AKAP6: variants seen among roughly 807,000 people sequenced by gnomAD.
The protein encoded by AKAP6 is A-kinase anchor protein 6.
Under a neutral mutation model 188.5 loss-of-function variants are expected in AKAP6, and 58 were observed. The observed-to-expected ratio is 0.31, with a 90% CI of 0.25 to 0.38. The LOEUF (loss-of-function observed/expected upper bound fraction) is 0.38, where lower values mean the gene tolerates loss of function less well. AKAP6 is among the 10% of genes least tolerant of loss of function. The pLI, the probability that AKAP6 is intolerant of heterozygous loss-of-function variation, is 1.00. For missense variants in AKAP6, 2,710 were observed against 2,740.0 expected (o/e 0.99, Z 0.24); for synonymous variants, 989 against 998.6 (o/e 0.99, Z 0.18).
Position 32,586,496 on chromosome 14 carries a change from G to A in AKAP6, c.2469+9254G>A, listed in dbSNP as rs145421983. On this transcript the variant is annotated intron_variant, in intron 5 of 13. Coordinates refer to ENST00000280979, the MANE Select transcript of AKAP6 (RefSeq NM_004274.5). ...ACAAAAATTAGCTGGGTGTGGTGGC[G>A]CGTGTCTGTAGTCCCAGCTGCTCAG... is the stretch of plus-strand genomic sequence containing the variant. 1.3e-3 allele frequency among the ~76,000 whole-genome samples: 192 copies of A among 152,188 alleles called. 1 individual carries two copies. The highest frequency in any genetic ancestry group is 4.5e-3 in the African/African-American group (185 of 41,528).
chr14:32,443,958 A>G (rs1890675956), intron 2 of AKAP6, among the ~76,000 whole-genome samples: 3 of 152,184 alleles, frequency 2.0e-5, no homozygotes, highest in Non-Finnish European at 4.4e-5. Context: ...TGTTTTGGAT[A>G]TGAAAGACAG....
At chr14:32,603,048 C>T (rs1397424633) in intron 7 of AKAP6, among the ~76,000 whole-genome samples, 2 of 152,130 alleles carry the variant, frequency 1.3e-5, no homozygotes, top group Admixed American at 6.6e-5. Flanking sequence ...AAGGGAGTCA[C>T]AAGAGGTTGG....
chr14:32,545,434 A>T lies in AKAP6; in HGVS notation c.781A>T (p.Met261Leu), dbSNP rs1301057233. The change falls in exon 4 of 14, where the codon ATG becomes TTG. Residue 261 changes from methionine to leucine, a missense_variant. Around this residue, in one of 2 missense-constraint regions of AKAP6, gnomAD observed 2,473 missense variants for 2,426.1 expected, o/e 1.02. Coordinates refer to ENST00000280979, the MANE Select transcript of AKAP6 (RefSeq NM_004274.5). Reference sequence around the variant, plus strand: ...CTTTGACTCTTGGAGCTACAGTGAGATGGAAAAGGAGTTTCCTGAGCTTAT... The same window carrying T: ...CTTTGACTCTTGGAGCTACAGTGAGTTGGAAAAGGAGTTTCCTGAGCTTAT... The part of the protein sequence containing the change: ...KPFDSWSYSE[M>L]EKEFPELIRS... The T allele has an allele frequency of 1.9e-6, 3 of 1,614,212 alleles. No individual in the cohort carries two copies. The highest frequency in any genetic ancestry group is 2.5e-6 in the Non-Finnish European group (3 of 1,180,016).
intron 12 of AKAP6, among the ~76,000 whole-genome samples, chr14:32,794,818 ACATGAAAACCTCTT>A (rs2033715769): frequency 6.6e-6 from 1 of 152,124 alleles, no homozygotes; most frequent in Non-Finnish European, 1.5e-5. Context: ...GGAGATAGAG[ACATGAAAACCTCTT>A]CAAAAAATCA....
chr14:32,605,751 C>T (rs1886104275), intron 7 of AKAP6, among the ~76,000 whole-genome samples: 1 of 152,180 alleles, frequency 6.6e-6, no homozygotes, highest in African/African-American at 2.4e-5. Context: ...CCATGAAATG[C>T]ATCTCCAAGC....
intron 7 of AKAP6, among the ~76,000 whole-genome samples, chr14:32,653,600 T>A (rs1004519213): frequency 2.6e-5 from 4 of 151,606 alleles, no homozygotes; most frequent in Non-Finnish European, 5.9e-5. Flanking sequence ...CATGAGCCAA[T>A]TAATCCTCTT....
intron 1 of AKAP6, among the ~76,000 whole-genome samples, chr14:32,339,335 G>A (rs1289109611): frequency 1.3e-5 from 2 of 152,156 alleles, no homozygotes; most frequent in Non-Finnish European, 2.9e-5. Context: ...ACACCCTTGA[G>A]TTATTCTTGC....
chr14:32,549,406 C>T (rs945790741), intron 4 of AKAP6, among the ~76,000 whole-genome samples: 1 of 152,144 alleles, frequency 6.6e-6, no homozygotes, highest in East Asian at 1.9e-4. Context: ...GGTGGCGTTT[C>T]AGGTAGGAGG....
rs1208880698 is a variant in AKAP6 at position 32,726,280 on chromosome 14, TAC to T, written c.3001-6172_3001-6171del. On this transcript the variant is annotated intron_variant, in intron 9 of 13. Transcript: ENST00000280979. ...GATTCTTCTCTCCTCAGTCTTCTTT[TAC>T]AGTTTGCTCAACATGAAAGTACCCA... is the stretch of plus-strand genomic sequence containing the variant. 3 of 899,820 alleles carry T rather than the reference TAC, an allele frequency of 3.3e-6. No homozygotes were observed. The African/African-American group carries it at 5.4e-5, about 16-fold the overall frequency. 55.7% of individuals were successfully genotyped at this position (899,820 alleles called of 1,614,324 possible). A position where few individuals can be genotyped will look rare whatever the true frequency, so the allele number is the denominator to read the frequency against.
chr14:32,513,010 G>T (rs1881335973), intron 2 of AKAP6, among the ~76,000 whole-genome samples: 1 of 152,118 alleles, frequency 6.6e-6, no homozygotes, highest in African/African-American at 2.4e-5. Context: ...TATCCCCAAG[G>T]GAGGACTAAG....
intron 5 of AKAP6, 42 bp from the exon 6 acceptor site, chr14:32,599,368 A>G (rs1324540940): frequency 1.9e-6 from 3 of 1,539,540 alleles, no homozygotes; most frequent in Admixed American, 3.5e-5. Flanking sequence ...TTTTATGTGT[A>G]ACTGCCTTGC....
intron 12 of AKAP6, among the ~76,000 whole-genome samples, chr14:32,810,352 G>A (rs569990275): frequency 4.6e-5 from 7 of 151,722 alleles, no homozygotes; most frequent in Non-Finnish European, 1.0e-4. Flanking sequence ...TTTGATTTGG[G>A]TTACAGTTTG....
At chr14:32,429,505 T>C (rs1318970099) in intron 1 of AKAP6, among the ~76,000 whole-genome samples, 1 of 152,208 alleles carries the variant, frequency 6.6e-6, no homozygotes, top group African/African-American at 2.4e-5. Context: ...AGTATGACCA[T>C]CCATATATGC....
chr14:32,402,080 A>G (rs931007029), intron 1 of AKAP6: 2 of 152,236 alleles, frequency 1.3e-5, no homozygotes, highest in African/African-American at 4.8e-5. Flanking sequence ...TGCTAATGAG[A>G]TACAAAGCCA....
intron 2 of AKAP6, among the ~76,000 whole-genome samples, chr14:32,531,241 T>C (rs1259208916): frequency 1.3e-5 from 2 of 152,248 alleles, no homozygotes; most frequent in Admixed American, 6.5e-5. Flanking sequence ...TTTTAAGATA[T>C]TGTTAACCAT....
intron 11 of AKAP6, among the ~76,000 whole-genome samples, chr14:32,750,731 A>ATTTT (rs765897477): frequency 1.1e-5 from 1 of 93,572 alleles, no homozygotes; most frequent in South Asian, 4.3e-4. Context: ...TCACTAAATT[A>ATTTT]ATTTTGTTTT....
chr14:32,501,811 CTG>C (rs1412217204), intron 2 of AKAP6, among the ~76,000 whole-genome samples: 1 of 152,144 alleles, frequency 6.6e-6, no homozygotes, highest in African/African-American at 2.4e-5. Flanking sequence ...CCCTTTAACT[CTG>C]TGCATGTAGA....
chr14:32,493,610 C>A (rs1359225014), intron 2 of AKAP6, among the ~76,000 whole-genome samples: 1 of 152,142 alleles, frequency 6.6e-6, no homozygotes, highest in East Asian at 1.9e-4. Context: ...ATGAAGCCTA[C>A]ATGACATCCA....
At chr14:32,372,457 G>T (rs938375557) in intron 1 of AKAP6, among the ~76,000 whole-genome samples, 2 of 151,850 alleles carry the variant, frequency 1.3e-5, no homozygotes, top group African/African-American at 4.8e-5. Context: ...TGGGTAAGAA[G>T]TACTAGTCAT....
Sources: gnomAD v4.1 joint callset for allele counts (sites outside exome capture counted in the v4.1 genomes callset) on GRCh38, gnomAD v4.1.1 for gene constraint, gnomAD v4.1.1 regional missense constraint, MANE v1.5 for transcripts, NCBI Gene and HGNC (gene_info 2026-07-23, HGNC 2026-07-21) for gene names.